SPTBN1: variants seen among roughly 807,000 people sequenced by gnomAD.
SPTBN1 encodes spectrin beta, non-erythrocytic 1.
SPTBN1 carries 32 observed loss-of-function variants against 266.4 expected under a neutral mutation model. The ratio of observed to expected loss-of-function variants is 0.12; its 90% CI spans 0.09 to 0.16. The LOEUF is 0.16. SPTBN1 is among the 10% of genes least tolerant of loss of function. The pLI is 1.00. For synonymous variants in SPTBN1, 1,336 were observed against 1,162.2 expected (o/e 1.15, Z -3.04); for missense variants, 2,296 against 3,067.1 (o/e 0.75, Z 5.94).
chr2:54,633,753 C>T (rs1236317422), intron 17 of SPTBN1, among the ~76,000 whole-genome samples: 3 of 152,158 alleles, frequency 2.0e-5, no homozygotes, highest in African/African-American at 7.2e-5. Context: ...TTGCTTACCA[C>T]ATCTGAGAGG....
At chr2:54,643,953 T>C (rs996674389) in intron 19 of SPTBN1, among the ~76,000 whole-genome samples, 8 of 150,476 alleles carry the variant, frequency 5.3e-5, no homozygotes, top group African/African-American at 1.7e-4. Context: ...GCCTGGGTGA[T>C]AGAACGAGAC....
At chr2:54,651,215 A>T (rs375082333) in intron 26 of SPTBN1, among the ~76,000 whole-genome samples, 2 of 152,230 alleles carry the variant, frequency 1.3e-5, no homozygotes, top group East Asian at 1.9e-4. Context: ...ACTGCAAGAC[A>T]CTTGAGAGAC....
intron 1 of SPTBN1, among the ~76,000 whole-genome samples, chr2:54,456,873 C>G (rs978340003): frequency 6.6e-6 from 1 of 151,558 alleles, no homozygotes; most frequent in East Asian, 1.9e-4. Flanking sequence ...CGGCGCCTCC[C>G]TGCAGCCGGG....
chr2:54,641,798 A>G (rs1289332997), intron 18 of SPTBN1, among the ~76,000 whole-genome samples: 1 of 151,714 alleles, frequency 6.6e-6, no homozygotes, highest in Non-Finnish European at 1.5e-5. Context: ...CATCATTTCC[A>G]AAAAACAAAT....
chr2:54,566,633 C>T (rs1055229405), intron 2 of SPTBN1, among the ~76,000 whole-genome samples: 3 of 152,020 alleles, frequency 2.0e-5, no homozygotes, highest in African/African-American at 4.8e-5. Context: ...GAGTTCGAGA[C>T]CAGCCTGGTC....
In SPTBN1 at chr2:54,645,135, T is replaced by G. The variant is rs966824084; in HGVS notation, c.4270-94T>G. 3.0e-6 allele frequency: 4 copies of G among 1,338,270 alleles called. No individual in the cohort carries two copies. The African/African-American group carries it at 5.8e-5, about 19-fold the overall frequency. The allele number at this position is 1,338,270 out of a possible 1,614,324, so 82.9% of individuals were successfully genotyped here. On this transcript the variant is annotated intron_variant, in intron 20 of 35. Coordinates refer to ENST00000356805, the MANE Select transcript of SPTBN1 (RefSeq NM_003128.3). The surrounding 1 kb of genome is among the most constrained non-coding windows in gnomAD (Gnocchi z 4.3). ...GTGGCTCCCATGGCTGGCTTTGCGG[T>G]GTGGCCAAGTCCCAGGCCCAGCAGT...
At position 54,647,136 on chromosome 2, in the gene SPTBN1, G is replaced by A; in HGVS notation, c.4872G>A (p.Glu1624=). Residue 1624 remains glutamate (E), a synonymous_variant, in exon 24 of 36, where the codon GAG becomes GAA. Transcript: ENST00000356805. ...ATGTTCTCCTGTCTTTGCAGGATGAGCAGAGTGCTGTCTCCATGTTGAAGA... is the reference window on the plus strand; with the variant it reads ...ATGTTCTCCTGTCTTTGCAGGATGAACAGAGTGCTGTCTCCATGTTGAAGA... The part of the protein sequence containing the change: ...YMMSEEKAKD[E]QSAVSMLKKH... 1.2e-6 allele frequency: 2 copies of A among 1,614,180 alleles called. No homozygotes were observed. Among genetic ancestry groups the A allele is most frequent in the East Asian group, 2.2e-5 (1 of 44,886 alleles).
intron 34 of SPTBN1, 107 bp from the exon 35 acceptor site, chr2:54,667,497 G>T (rs1681442390): frequency 1.5e-5 from 16 of 1,084,852 alleles, no homozygotes; most frequent in Non-Finnish European, 2.1e-5. Flanking sequence ...TGACGCTTCT[G>T]TTGTGACTCC....
chr2:54,666,213 T>G, intron 34 of SPTBN1, 125 bp downstream of exon 34: 1 of 1,086,458 alleles, frequency 9.2e-7, no homozygotes, highest in Non-Finnish European at 1.3e-6. Flanking sequence ...AAATCCCCAA[T>G]AAAGTGAAAA....
intron 1 of SPTBN1, among the ~76,000 whole-genome samples, chr2:54,519,938 A>G (rs1670337869): frequency 6.6e-6 from 1 of 152,128 alleles, no homozygotes; most frequent in African/African-American, 2.4e-5. Context: ...GATGCCATTC[A>G]GCGAGGGAGT....
At chr2:54,502,234 T>C (rs192769574) in intron 1 of SPTBN1, among the ~76,000 whole-genome samples, 1 of 152,176 alleles carries the variant, frequency 6.6e-6, no homozygotes, top group East Asian at 1.9e-4. Context: ...GGCCTCACCC[T>C]TGCTCTCATC....
chr2:54,607,676 C>T (rs998723795), intron 3 of SPTBN1, among the ~76,000 whole-genome samples: 15 of 152,224 alleles, frequency 9.9e-5, no homozygotes, highest in African/African-American at 3.6e-4. Flanking sequence ...TAGGTTATAT[C>T]AAATACTGTG....
chr2:54,660,020 C>T (rs768687232), intron 32 of SPTBN1, 21 bp downstream of exon 32: 2 of 1,614,176 alleles, frequency 1.2e-6, no homozygotes, highest in South Asian at 2.2e-5. Flanking sequence ...GCTCTCAAAC[C>T]TACCAAAACT....
intron 1 of SPTBN1, among the ~76,000 whole-genome samples, chr2:54,460,211 C>G (rs1462782125): frequency 6.6e-6 from 1 of 152,204 alleles, no homozygotes; most frequent in East Asian, 1.9e-4. Context: ...TGAAGAAACT[C>G]TATTCTGTTC....
At chr2:54,586,292 A>G (rs924706458) in intron 2 of SPTBN1, among the ~76,000 whole-genome samples, 17 of 152,234 alleles carry the variant, frequency 1.1e-4, no homozygotes, top group Non-Finnish European at 2.4e-4. Flanking sequence ...GAACTTTTCT[A>G]CAATGGGTTA....
Position 54,668,635 on chromosome 2 carries a change from A to G in SPTBN1, c.*66A>G. The G allele has an allele frequency of 6.9e-7, 1 of 1,449,996 alleles. No individual in the cohort carries two copies. The highest frequency in any genetic ancestry group is 2.5e-5 in the East Asian group (1 of 39,544). 89.8% of individuals were successfully genotyped at this position (1,449,996 alleles called of 1,614,324 possible). ...GTGAAATTCCAGCATGCAAGCTCAG[A>G]ACCAACACATTACTCTCTGTGCCTA... On this transcript the variant is annotated 3_prime_UTR_variant, in exon 36 of 36. Coordinates refer to ENST00000356805, the MANE Select transcript of SPTBN1 (RefSeq NM_003128.3).
At chr2:54,595,580 G>C (rs1230628120) in intron 2 of SPTBN1, among the ~76,000 whole-genome samples, 1 of 152,258 alleles carries the variant, frequency 6.6e-6, no homozygotes, top group Non-Finnish European at 1.5e-5. Flanking sequence ...TGGTGCTGCT[G>C]CTCCTCTGCC....
intron 1 of SPTBN1, chr2:54,515,738 G>A (rs1349058823): frequency 1.3e-5 from 2 of 152,202 alleles, no homozygotes; most frequent in Admixed American, 1.3e-4. Flanking sequence ...TGTTGCCCAG[G>A]CTGGTCTCGA....
intron 1 of SPTBN1, among the ~76,000 whole-genome samples, chr2:54,505,241 G>A (rs1201963047): frequency 6.6e-6 from 1 of 152,180 alleles, no homozygotes; most frequent in Non-Finnish European, 1.5e-5. Flanking sequence ...ATTGATGCTT[G>A]TTAGTTGGAT....
Sources: gnomAD v4.1 joint callset for allele counts (sites outside exome capture counted in the v4.1 genomes callset) on GRCh38, gnomAD v4.1.1 for gene constraint, Gnocchi (gnomAD v3.1) non-coding constraint, MANE v1.5 for transcripts, NCBI Gene and HGNC (gene_info 2026-07-23, HGNC 2026-07-21) for gene names.